TMED3: variants seen among roughly 807,000 people sequenced by gnomAD.
TMED3 encodes the protein transmembrane p24 trafficking protein 3, also known as transmembrane emp24 domain-containing protein 3.
TMED3 carries 9 observed loss-of-function variants against 15.0 expected under a neutral mutation model. The observed-to-expected ratio is 0.60, with a 90% CI of 0.36 to 1.04. TMED3 has a LOEUF of 1.04. Ranked by LOEUF, TMED3 falls within the 50% of genes least tolerant of loss-of-function variation. The probability of loss-of-function intolerance (pLI) is 0.01; values close to 1 mark genes in which losing one functional copy is unlikely to be tolerated. For missense variants in TMED3, 267 were observed against 278.9 expected (o/e 0.96, Z 0.30); for synonymous variants, 117 against 121.4 (o/e 0.96, Z 0.24).
chr15:79,328,374 T>G (rs531701287), intron 2 of TMED3, among the ~76,000 whole-genome samples: 4 of 152,316 alleles, frequency 2.6e-5, no homozygotes, highest in Admixed American at 2.6e-4. Flanking sequence ...CTTTAATTTA[T>G]AAAGTAATCT....
At chr15:79,341,654 T>G (rs1291256230) in intron 2 of TMED3, among the ~76,000 whole-genome samples, 1 of 152,198 alleles carries the variant, frequency 6.6e-6, no homozygotes, top group Non-Finnish European at 1.5e-5. Flanking sequence ...TTTATTCCCC[T>G]TCCCTGTGCC....
chr15:79,410,804 A>G (rs1262034921), intron 2 of TMED3, among the ~76,000 whole-genome samples: 1 of 152,168 alleles, frequency 6.6e-6, no homozygotes, highest in African/African-American at 2.4e-5. Context: ...CTCAGAAGCA[A>G]TGATTTGCAA....
intron 2 of TMED3, among the ~76,000 whole-genome samples, chr15:79,348,957 C>T (rs993966116): frequency 3.3e-5 from 5 of 152,112 alleles, no homozygotes; most frequent in Admixed American, 3.3e-4. Context: ...GGGCCCTCCC[C>T]CACCCCCAGT....
At chr15:79,353,245 AC>A (rs2058902490) in intron 2 of TMED3, among the ~76,000 whole-genome samples, 14 of 42,598 alleles carry the variant, frequency 3.3e-4, no homozygotes, top group Non-Finnish European at 4.3e-4. Flanking sequence ...AAATATATAT[AC>A]TATATATAAT....
At chr15:79,339,820 T>TA (rs781376141) in intron 2 of TMED3, among the ~76,000 whole-genome samples, 2 of 151,152 alleles carry the variant, frequency 1.3e-5, no homozygotes, top group East Asian at 3.9e-4. Context: ...AATGTGATGG[T>TA]AGTGGTGATG....
intron 2 of TMED3, among the ~76,000 whole-genome samples, chr15:79,339,284 G>A (rs1360126322): frequency 6.6e-6 from 1 of 152,108 alleles, no homozygotes; most frequent in Non-Finnish European, 1.5e-5. Flanking sequence ...CTGCCCCTTT[G>A]TCTTGTATCC....
intron 2 of TMED3, among the ~76,000 whole-genome samples, chr15:79,400,381 A>G (rs1893818006): frequency 6.6e-6 from 1 of 152,066 alleles, no homozygotes; most frequent in Non-Finnish European, 1.5e-5. Flanking sequence ...TCTCTTGTCC[A>G]TCTCCCTTAC....
chr15:79,335,209 TA>T (rs2058822936), intron 2 of TMED3, among the ~76,000 whole-genome samples: 1 of 152,136 alleles, frequency 6.6e-6, no homozygotes, highest in Non-Finnish European at 1.5e-5. Context: ...ATCCTCAGTT[TA>T]AAAAGGTACC....
chr15:79,334,190 A>G (rs538327696), intron 2 of TMED3, among the ~76,000 whole-genome samples: 2 of 152,348 alleles, frequency 1.3e-5, no homozygotes, highest in African/African-American at 4.8e-5. Flanking sequence ...AGAGTAAAAT[A>G]GAATTTAAAT....
intron 2 of TMED3, among the ~76,000 whole-genome samples, chr15:79,360,255 G>A (rs1305287453): frequency 6.6e-6 from 1 of 152,150 alleles, no homozygotes; most frequent in Non-Finnish European, 1.5e-5. Context: ...TGAGCTGGGT[G>A]TGGGGTGGGC....
chr15:79,331,768 C>T (rs555263097), intron 2 of TMED3, among the ~76,000 whole-genome samples: 35 of 152,138 alleles, frequency 2.3e-4, no homozygotes, highest in Non-Finnish European at 4.4e-4. Context: ...CAAAAGAAGA[C>T]ATATAAATGG....
intron 2 of TMED3, among the ~76,000 whole-genome samples, chr15:79,377,297 T>TGTGTGAGAGA (rs1491369749): frequency 2.2e-4 from 22 of 99,562 alleles, no homozygotes; most frequent in African/African-American, 8.0e-4. Flanking sequence ...TGTGTGTGTG[T>TGTGTGAGAGA]GAGAGAGAGA....
intron 2 of TMED3, chr15:79,384,394 A>C (rs972165124): frequency 2.6e-5 from 4 of 152,288 alleles, no homozygotes; most frequent in African/African-American, 9.6e-5. Context: ...CATTGTCGGA[A>C]TAGGAAAGAG....
At chr15:79,354,854 T>A (rs1213523596) in intron 2 of TMED3, among the ~76,000 whole-genome samples, 2 of 152,130 alleles carry the variant, frequency 1.3e-5, no homozygotes, top group African/African-American at 4.8e-5. Context: ...CCATTCCGTT[T>A]TTAGCTTGAT....
intron 2 of TMED3, among the ~76,000 whole-genome samples, chr15:79,379,098 A>T (rs1247131712): frequency 6.6e-6 from 1 of 152,186 alleles, no homozygotes; most frequent in Non-Finnish European, 1.5e-5. Context: ...TAACCAAAAA[A>T]CTTTACCAAC....
chr15:79,376,092 G>GTTTTTTTTTTTTTTTTTTTTT (rs199728545), intron 2 of TMED3, among the ~76,000 whole-genome samples: 1 of 112,082 alleles, frequency 8.9e-6, no homozygotes, highest in African/African-American at 3.6e-5. Flanking sequence ...CTAGAGAAAG[G>GTTTTTTTTTTTTTTTTTTTTT]TTTTTTTTTT....
At chr15:79,376,950 G>C (rs139285132) in intron 2 of TMED3, among the ~76,000 whole-genome samples, 11 of 152,238 alleles carry the variant, frequency 7.2e-5, no homozygotes, top group African/African-American at 2.4e-4. Flanking sequence ...CAGTCAGTGG[G>C]AGGTGGGGTC....
At chr15:79,344,019 A>G (rs2058860226) in intron 2 of TMED3, among the ~76,000 whole-genome samples, 1 of 152,154 alleles carries the variant, frequency 6.6e-6, no homozygotes, top group Non-Finnish European at 1.5e-5. Context: ...TTCCATAAAT[A>G]TGTAGATAGA....
intron 2 of TMED3, among the ~76,000 whole-genome samples, chr15:79,387,541 G>A (rs143037111): frequency 1.4e-3 from 208 of 151,918 alleles, no homozygotes; most frequent in Non-Finnish European, 1.9e-3. Flanking sequence ...TTGCATTTCC[G>A]TGAAAATGTT....
Sources: allele counts gnomAD v4.1 joint callset (sites outside exome capture counted in the v4.1 genomes callset), GRCh38; gene constraint gnomAD v4.1.1; transcripts MANE v1.5; gene names NCBI Gene and HGNC (gene_info 2026-07-23, HGNC 2026-07-21).